The following BCL11B variants were observed in gnomAD, a reference collection of about 807,000 sequenced individuals.
BCL11B encodes BCL11 transcription factor B.
BCL11B carries 8 observed loss-of-function variants against 49.9 expected under a neutral mutation model. The ratio of observed to expected loss-of-function variants is 0.16; its 90% CI spans 0.09 to 0.29. BCL11B has a LOEUF of 0.29. Among genes scored for constraint, BCL11B ranks in the 10% least tolerant of loss-of-function variants. The pLI is 1.00. For synonymous variants in BCL11B, 739 were observed against 637.4 expected, an observed-to-expected ratio of 1.16 and a Z score of -2.40; for missense variants, 1,006 against 1,351.0, an observed-to-expected ratio of 0.74 and a Z score of 4.00.
In BCL11B at chr14:99,231,261, TG is replaced by T. The variant is rs1440956386; in HGVS notation, c.640+83del. The T allele has an allele frequency of 6.9e-7, 1 of 1,442,608 alleles. No individual in the cohort carries two copies. The highest frequency in any genetic ancestry group is 1.4e-5 in the African/African-American group (1 of 69,638). The allele number at this position is 1,442,608 out of a possible 1,614,324, so 89.4% of individuals were successfully genotyped here. ...CTGGGTGGGAGCTGCCCTTCCTCCC[TG>T]GGTCCCCACCTTGCTCCAGCGCTGC... On this transcript the variant is annotated intron_variant, in intron 3 of 3. Coordinates refer to ENST00000357195, the MANE Select transcript of BCL11B (RefSeq NM_138576.4). The surrounding 1 kb of genome is among the most constrained non-coding windows in gnomAD (Gnocchi z 8.1).
rs906911669 is a variant in BCL11B, at chr14:99,172,076, AT to A, written c.*2074del. The A allele has an allele frequency of 2.7e-3, 571 of 209,074 alleles. No individual in the cohort carries two copies. Among genetic ancestry groups the A allele is most frequent in the East Asian group, 3.8e-3 (51 of 13,568 alleles). 13.0% of individuals were successfully genotyped at this position (209,074 alleles called of 1,614,324 possible). A position where few individuals can be genotyped will look rare whatever the true frequency, so the allele number is the denominator to read the frequency against. ...GATCGCTCCAACACACATACACACA[AT>A]TTTTTTTTTACCCTTGTATGTACCC... On this transcript the variant is annotated 3_prime_UTR_variant, in exon 4 of 4. Transcript: ENST00000357195.
intron 3 of BCL11B, among the ~76,000 whole-genome samples, 172 bp from the exon 4 acceptor site, chr14:99,176,367 C>G (rs1356316556): frequency 1.3e-5 from 2 of 152,226 alleles, no homozygotes; most frequent in East Asian, 3.9e-4. Context: ...CTTGTCTCCT[C>G]CTGGCTGGGG....
At position 99,172,532 on chromosome 14, in the gene BCL11B, A is replaced by G; in HGVS notation, c.*1619T>C. 4.8e-6 allele frequency: 1 copy of G among 206,938 alleles called. No homozygotes were observed. Among genetic ancestry groups the G allele is most frequent in the East Asian group, 7.4e-5 (1 of 13,454 alleles). 12.8% of individuals were successfully genotyped at this position (206,938 alleles called of 1,614,324 possible). A position where few individuals can be genotyped will look rare whatever the true frequency, so the allele number is the denominator to read the frequency against. On this transcript the variant is annotated 3_prime_UTR_variant, in exon 4 of 4. Coordinates refer to ENST00000357195, the MANE Select transcript of BCL11B (RefSeq NM_138576.4). ...TGCATTTGTCTCAAGAGACTCAAAT[A>G]GGAAGATCAGTTTTCAAGGCACTCA...
intron 3 of BCL11B, among the ~76,000 whole-genome samples, chr14:99,212,934 T>C (rs1015385301): frequency 6.6e-6 from 1 of 152,200 alleles, no homozygotes; most frequent in South Asian, 2.1e-4. Context: ...ATACTTTGCT[T>C]TGATTTCCTG....
In BCL11B at chr14:99,175,054, C is replaced by A. The variant is rs1348131372; in HGVS notation, c.1782G>T (p.Val594=). ...AKALADEKAL[V]LGKVMENVGL... ...CCACGTTCTCCATGACCTTGCCCAG[C>A]ACCAGCGCCTTCTCGTCAGCCAGCG... The change falls in exon 4 of 4, where the codon GTG becomes GTT. Residue 594 remains valine (V), a synonymous_variant. Transcript: ENST00000357195. 1.3e-6 allele frequency: 2 copies of A among 1,599,228 alleles called. No homozygotes were observed. Among genetic ancestry groups the A allele is most frequent in the Admixed American group, 1.7e-5 (1 of 59,812 alleles).
At chr14:99,224,929 G>A (rs1043918130) in intron 3 of BCL11B, among the ~76,000 whole-genome samples, 1 of 152,156 alleles carries the variant, frequency 6.6e-6, no homozygotes, top group Non-Finnish European at 1.5e-5. Flanking sequence ...GAGCCCCACA[G>A]GGACAGGGCA....
intron 3 of BCL11B, among the ~76,000 whole-genome samples, chr14:99,226,065 C>G (rs879414391): frequency 1.3e-5 from 2 of 152,234 alleles, no homozygotes; most frequent in Non-Finnish European, 2.9e-5. Context: ...AGCGCTTGCA[C>G]GCCAGGAAGA....
At position 99,213,901 on chromosome 14, in the gene BCL11B, G is replaced by GT. The variant is rs767810402; in HGVS notation, c.640+17443dup. Among the ~76,000 whole-genome samples, 8 of 152,170 alleles carry GT rather than the reference G, an allele frequency of 5.3e-5. No homozygotes were observed. Among genetic ancestry groups the GT allele is most frequent in the Non-Finnish European group, 1.2e-4 (8 of 68,024 alleles). ...TGCTTCTGATGCTGGAACACTCAAG[G>GT]TGACACATCCCAGCCCTCCGGTGCT... On this transcript the variant is annotated intron_variant, in intron 3 of 3. Coordinates refer to ENST00000357195, the MANE Select transcript of BCL11B (RefSeq NM_138576.4). This position sits in a 1 kb window ranked among gnomAD's most constrained non-coding sequence, Gnocchi z 5.1.
chr14:99,176,354 G>C (rs1886531114), intron 3 of BCL11B, among the ~76,000 whole-genome samples, 159 bp from the exon 4 acceptor site: 1 of 152,286 alleles, frequency 6.6e-6, no homozygotes, highest in South Asian at 2.1e-4. Context: ...AAGCAGGCCC[G>C]GCCTTGTCTC....
Position 99,241,106 on chromosome 14 carries a change from G to A in BCL11B, c.428-9549C>T, listed in dbSNP as rs1341477318. 6.6e-6 allele frequency among the ~76,000 whole-genome samples: 1 copy of A among 152,028 alleles called. No individual in the cohort carries two copies. The highest frequency in any genetic ancestry group is 1.5e-5 in the Non-Finnish European group (1 of 68,010). ...ACTGCAGAAACCCTGCAAAGATCCC[G>A]CGATAAGACAAGCCTCTTCTCCCTA... is the stretch of plus-strand genomic sequence containing the variant. On this transcript the variant is annotated intron_variant, in intron 2 of 3. Coordinates refer to ENST00000357195, the MANE Select transcript of BCL11B (RefSeq NM_138576.4). The surrounding 1 kb of genome is among the most constrained non-coding windows in gnomAD (Gnocchi z 4.4).
chr14:99,245,227 T>G (rs1888790259), intron 2 of BCL11B, among the ~76,000 whole-genome samples: 1 of 152,130 alleles, frequency 6.6e-6, no homozygotes, highest in South Asian at 2.1e-4. Context: ...CCTAGCAAGG[T>G]GACGATTTGC....
At chr14:99,197,241 TG>T (rs1887203278) in intron 3 of BCL11B, among the ~76,000 whole-genome samples, 1 of 152,002 alleles carries the variant, frequency 6.6e-6, no homozygotes, top group Non-Finnish European at 1.5e-5. Context: ...TCAGAAGCAA[TG>T]AGCAGATGAG....
chr14:99,175,874 G>C lies in BCL11B; in HGVS notation c.962C>G (p.Pro321Arg), dbSNP rs544228072. 6.8e-7 allele frequency: 1 copy of C among 1,470,668 alleles called. No individual in the cohort carries two copies. The highest frequency in any genetic ancestry group is 2.6e-5 in the East Asian group (1 of 38,590). 91.1% of individuals were successfully genotyped at this position (1,470,668 alleles called of 1,614,324 possible). A position where few individuals can be genotyped will look rare whatever the true frequency, so the allele number is the denominator to read the frequency against. The part of the protein sequence containing the change: ...PGTPPLFSPP[P>R]RHHLDPHRLS... ...GCGGTGCGGGTCCAGGTGGTGGCGCGGCGGGGGACTGAAGAGAGGCGGCGT... is the reference window on the plus strand; with the variant it reads ...GCGGTGCGGGTCCAGGTGGTGGCGCCGCGGGGGACTGAAGAGAGGCGGCGT... The change falls in exon 4 of 4, where the codon CCG (proline) becomes CGG (arginine). Residue 321 changes from proline (P) to arginine (R), a missense_variant. Around this residue, in one of 6 missense-constraint regions of BCL11B, gnomAD observed 411 missense variants for 542.2 expected, o/e 0.76. Coordinates refer to ENST00000357195, the MANE Select transcript of BCL11B (RefSeq NM_138576.4).
At chr14:99,234,100 C>T (rs74520557) in intron 2 of BCL11B, among the ~76,000 whole-genome samples, 12 of 152,114 alleles carry the variant, frequency 7.9e-5, no homozygotes, top group Non-Finnish European at 1.8e-4. Context: ...ACGAAATGTT[C>T]ATAAGAGGCA....
chr14:99,266,839 A>G (rs1889497240), intron 1 of BCL11B, among the ~76,000 whole-genome samples: 1 of 152,172 alleles, frequency 6.6e-6, no homozygotes, highest in Non-Finnish European at 1.5e-5. Flanking sequence ...TTATCACAAC[A>G]AGCAACAGAG....
rs1287073482 is a variant in BCL11B at position 99,247,293 on chromosome 14, T to C, written c.427+10178A>G. Among the ~76,000 whole-genome samples, 2 of 152,216 alleles carry C rather than the reference T, an allele frequency of 1.3e-5. No individual in the cohort carries two copies. The highest frequency in any genetic ancestry group is 4.8e-5 in the African/African-American group (2 of 41,448). ...CAGAGAGAAGACCACACTGTTTAGC[T>C]TTCTTAATTGGCTGGCTTTGAACTT... On this transcript the variant is annotated intron_variant, in intron 2 of 3. Coordinates refer to ENST00000357195, the MANE Select transcript of BCL11B (RefSeq NM_138576.4). The surrounding 1 kb of genome is among the most constrained non-coding windows in gnomAD (Gnocchi z 4.5).
chr14:99,229,090 A>ATGGATGGATG (rs1888249092), intron 3 of BCL11B, among the ~76,000 whole-genome samples: 1 of 66,624 alleles, frequency 1.5e-5, no homozygotes, highest in African/African-American at 6.3e-5. Flanking sequence ...ATGGATGGAT[A>ATGGATGGATG]GATGGATGGA....
chr14:99,270,002 G>C (rs1595090273), intron 1 of BCL11B, among the ~76,000 whole-genome samples: 1 of 151,830 alleles, frequency 6.6e-6, no homozygotes, highest in Non-Finnish European at 1.5e-5. Flanking sequence ...GGCGGGCGGG[G>C]AGCGCCGCAA....
Position 99,175,972 on chromosome 14 carries a change from G to A in BCL11B, c.864C>T (p.Pro288=), listed in dbSNP as rs1393996159. ...PLMNFLGDSN[P]FNLLRMTGPI... ...GGCCCGTCATGCGCAGCAGGTTGAA[G>A]GGGTTGCTGTCGCCCAGGAAATTCA... is the stretch of plus-strand genomic sequence containing the variant. The change falls in exon 4 of 4, where the codon CCC becomes CCT. Residue 288 remains proline, a synonymous_variant. Transcript: ENST00000357195. 9 of 1,496,706 alleles carry A rather than the reference G, an allele frequency of 6.0e-6. No individual in the cohort carries two copies. The highest frequency in any genetic ancestry group is 7.1e-6 in the Non-Finnish European group (8 of 1,123,264). 92.7% of individuals were successfully genotyped at this position (1,496,706 alleles called of 1,614,324 possible). A position where few individuals can be genotyped will look rare whatever the true frequency, so the allele number is the denominator to read the frequency against.
Sources: allele counts gnomAD v4.1 joint callset (sites outside exome capture counted in the v4.1 genomes callset), GRCh38; gene constraint gnomAD v4.1.1; regional missense constraint gnomAD v4.1.1; non-coding constraint Gnocchi (gnomAD v3.1); transcripts MANE v1.5; gene names NCBI Gene and HGNC (gene_info 2026-07-23, HGNC 2026-07-21).